Variants in PHKA2 observed in about 807,000 individuals in gnomAD.
PHKA2 encodes phosphorylase kinase regulatory subunit alpha 2.
A neutral mutation model predicts 102.0 loss-of-function variants in PHKA2; 31 were observed. That is an observed-to-expected ratio of 0.30 (90% CI 0.23 to 0.41). The LOEUF is 0.41. Ranked by LOEUF, PHKA2 falls within the 10% of genes least tolerant of loss-of-function variation. The pLI is 1.00. For synonymous variants in PHKA2, 455 were observed against 416.2 expected (o/e 1.09, Z -1.13); for missense variants, 858 against 1,023.1 (o/e 0.84, Z 2.20).
At chrX:18,906,374 GC>G in intron 25 of PHKA2, 120 bp downstream of exon 25, 1 of 894,558 alleles carries the variant, frequency 1.1e-6, no homozygotes, top group Non-Finnish European at 1.6e-6. Flanking sequence ...GCCTGAGCTT[GC>G]CACAGGCTTG....
intron 11 of PHKA2, among the ~76,000 whole-genome samples, chrX:18,934,038 A>G (rs1001193934): frequency 6.3e-5 from 7 of 111,749 alleles, no homozygotes; most frequent in African/African-American, 2.0e-4. Context: ...GAAGGCACTT[A>G]TTTTCCCTTG....
At chrX:18,893,772 C>T (rs2047475617) in intron 32 of PHKA2, 117 bp from the exon 33 acceptor site, 12 of 686,614 alleles carry the variant, frequency 1.7e-5, no homozygotes, top group Non-Finnish European at 2.8e-5. Context: ...CTAGTAGAGC[C>T]TTGGCCTTCT....
chrX:18,965,840 C>T (rs1032804221), intron 1 of PHKA2, among the ~76,000 whole-genome samples: 21 of 111,325 alleles, frequency 1.9e-4, no homozygotes, highest in African/African-American at 6.2e-4. Context: ...CAAATATAAG[C>T]GACAAGGAAC....
chrX:18,899,548 A>C (rs1569292078), intron 28 of PHKA2, among the ~76,000 whole-genome samples: 1 of 112,595 alleles, frequency 8.9e-6, no homozygotes, highest in Non-Finnish European at 1.9e-5. Context: ...TTATTTTCCA[A>C]ACTCACAGCC....
chrX:18,948,693 TTC>T, intron 5 of PHKA2, 49 bp downstream of exon 5: 1 of 858,645 alleles, frequency 1.2e-6, no homozygotes, highest in South Asian at 2.0e-5. Flanking sequence ...ATGATTTTTA[TTC>T]TTTTTGTTGA....
At chrX:18,956,316 T>A (rs1206079840) in intron 1 of PHKA2, among the ~76,000 whole-genome samples, 2 of 110,835 alleles carry the variant, frequency 1.8e-5, no homozygotes, top group Non-Finnish European at 3.8e-5. Flanking sequence ...AGAGTGAGAG[T>A]TTGTCTCAAA....
chrX:18,959,593 T>G (rs1403891486), intron 1 of PHKA2, among the ~76,000 whole-genome samples: 1 of 111,795 alleles, frequency 8.9e-6, no homozygotes, highest in South Asian at 3.7e-4. Context: ...GCCTTGAATT[T>G]TGCTCATTCA....
intron 1 of PHKA2, among the ~76,000 whole-genome samples, chrX:18,973,533 T>C (rs1430486138): frequency 8.9e-6 from 1 of 112,318 alleles, no homozygotes; most frequent in East Asian, 2.8e-4. Context: ...ATGTATTTAA[T>C]ATCAATATTC....
At chrX:18,897,750 C>T in intron 29 of PHKA2, 1 of 165,273 alleles carries the variant, frequency 6.1e-6, no homozygotes, top group Non-Finnish European at 1.2e-5. Flanking sequence ...ACAGTGGGGA[C>T]ACAGTCAGGC....
At chrX:18,950,969 T>C (rs945095937) in intron 4 of PHKA2, 135 bp downstream of exon 4, 1 of 630,681 alleles carries the variant, frequency 1.6e-6, no homozygotes, top group African/African-American at 2.2e-5. Flanking sequence ...TCTGTATAAA[T>C]GGCCTTGTCT....
chrX:18,947,587 T>C (rs1248549180), intron 5 of PHKA2, among the ~76,000 whole-genome samples: 1 of 112,281 alleles, frequency 8.9e-6, no homozygotes, highest in African/African-American at 3.2e-5. Context: ...CCGTAGGACA[T>C]GTTAGGATCT....
At chrX:18,927,376 T>G (rs2048229434) in intron 13 of PHKA2, among the ~76,000 whole-genome samples, 1 of 112,063 alleles carries the variant, frequency 8.9e-6, no homozygotes, top group South Asian at 3.7e-4. Flanking sequence ...GGGACAGTGC[T>G]TTGGCAAAGG....
At chrX:18,897,656 A>C in intron 29 of PHKA2, 2 of 276,992 alleles carry the variant, frequency 7.2e-6, no homozygotes, top group East Asian at 7.1e-5. Context: ...GCTAATCCCC[A>C]CTCAATGCCA....
intron 29 of PHKA2, 160 bp from the exon 30 acceptor site, chrX:18,897,493 A>C: frequency 8.4e-5 from 40 of 477,072 alleles, no homozygotes; most frequent in Non-Finnish European, 9.9e-5. Flanking sequence ...CTGTTTCCTC[A>C]TGTGAGATGA....
Position 18,942,537 on chromosome X carries a change from C to T in PHKA2, c.718-862G>A, listed in dbSNP as rs978094973. On this transcript the variant is annotated intron_variant, in intron 7 of 32. Transcript: ENST00000379942. ...AAGCTCACGCATTTCCACTGGATTA[C>T]ACATCTATTAAGATGCACACCACGT... is the stretch of plus-strand genomic sequence containing the variant. 2.7e-5 allele frequency among the ~76,000 whole-genome samples: 3 copies of T among 111,451 alleles called. No individual in the cohort carries two copies. The East Asian group carries it at 8.4e-4, about 31-fold the overall frequency.
intron 19 of PHKA2, among the ~76,000 whole-genome samples, chrX:18,913,069 C>A (rs1241886313): frequency 9.7e-6 from 1 of 103,067 alleles, no homozygotes; most frequent in Non-Finnish European, 2.0e-5. Flanking sequence ...CAGAGCAAGA[C>A]CCTGTCAAAA....
chrX:18,900,968 C>T (rs182707222), intron 27 of PHKA2, among the ~76,000 whole-genome samples: 14 of 109,916 alleles, frequency 1.3e-4, no homozygotes, highest in South Asian at 7.9e-4. Context: ...GTTAAGACTC[C>T]GATGTTGAGC....
At chrX:18,938,058 T>G (rs1270069004) in intron 10 of PHKA2, among the ~76,000 whole-genome samples, 1 of 112,676 alleles carries the variant, frequency 8.9e-6, no homozygotes, top group African/African-American at 3.2e-5. Context: ...CTCATGCCCT[T>G]GTCTAGTCCC....
chrX:18,976,672 T>C (rs987343713), intron 1 of PHKA2, among the ~76,000 whole-genome samples: 2 of 111,730 alleles, frequency 1.8e-5, no homozygotes, highest in Non-Finnish European at 3.8e-5. Flanking sequence ...CATAGGTATC[T>C]ATGTACAGGG....
Sources: allele counts gnomAD v4.1 joint callset (sites outside exome capture counted in the v4.1 genomes callset), GRCh38; gene constraint gnomAD v4.1.1; transcripts MANE v1.5; gene names NCBI Gene and HGNC (gene_info 2026-07-23, HGNC 2026-07-21).